CPEB1: variants seen among roughly 807,000 people sequenced by gnomAD.
CPEB1 encodes the protein cytoplasmic polyadenylation element-binding protein 1.
In CPEB1, 7 loss-of-function variants were observed where a neutral mutation model predicts 65.8. The ratio of observed to expected loss-of-function variants is 0.11; its 90% CI spans 0.06 to 0.20. The LOEUF is 0.20. Among genes scored for constraint, CPEB1 ranks in the 10% least tolerant of loss-of-function variants. The pLI is 1.00. For synonymous variants in CPEB1, 262 were observed against 260.0 expected, an observed-to-expected ratio of 1.01 and a Z score of -0.08; for missense variants, 551 against 712.2, an observed-to-expected ratio of 0.77 and a Z score of 2.58.
At chr15:82,544,748 C>G in intron 12 of CPEB1, 46 bp from the exon 13 acceptor site, 6 of 1,399,230 alleles carry the variant, frequency 4.3e-6, no homozygotes, top group Non-Finnish European at 6.0e-6. Context: ...TGTGTCAGCA[C>G]CAGACACAGG....
intron 3 of CPEB1, among the ~76,000 whole-genome samples, chr15:82,582,562 G>C (rs940632566): frequency 9.9e-5 from 15 of 152,098 alleles, no homozygotes; most frequent in African/African-American, 3.6e-4. Context: ...CAAATACAGG[G>C]ACTAACTGAT....
chr15:82,639,117 C>T (rs1452690339), intron 1 of CPEB1, among the ~76,000 whole-genome samples: 1 of 152,194 alleles, frequency 6.6e-6, no homozygotes, highest in African/African-American at 2.4e-5. Context: ...AGAACTGCTG[C>T]CACAGAGTAA....
chr15:82,640,669 C>G (rs1210630459), intron 1 of CPEB1: 9 of 152,118 alleles, frequency 5.9e-5, no homozygotes, highest in African/African-American at 2.2e-4. Flanking sequence ...CAGATAGATA[C>G]ACGCATTCGG....
At chr15:82,620,638 A>C (rs904880758) in intron 3 of CPEB1, among the ~76,000 whole-genome samples, 1 of 152,024 alleles carries the variant, frequency 6.6e-6, no homozygotes, top group Non-Finnish European at 1.5e-5. Context: ...TCTCTACAAA[A>C]ACTTAAAAAA....
At chr15:82,617,724 GTTTTTTTTTTT>G (rs35267620) in intron 3 of CPEB1, among the ~76,000 whole-genome samples, 4 of 83,818 alleles carry the variant, frequency 4.8e-5, no homozygotes, top group Admixed American at 1.3e-4. Context: ...TTCTATTAAA[GTTTTTTTTTTT>G]TTTTTTTTTT....
intron 3 of CPEB1, among the ~76,000 whole-genome samples, chr15:82,620,799 T>C (rs1304889406): frequency 6.6e-6 from 1 of 152,144 alleles, no homozygotes; most frequent in East Asian, 1.9e-4. Context: ...ATACCCCATC[T>C]CAGAAAAATA....
intron 3 of CPEB1, among the ~76,000 whole-genome samples, chr15:82,586,069 G>A (rs1396699771): frequency 6.6e-6 from 1 of 152,164 alleles, no homozygotes; most frequent in Non-Finnish European, 1.5e-5. Flanking sequence ...TTGTGAGCAA[G>A]GTGCTAGGAA....
chr15:82,559,143 T>C (rs1247422566), intron 4 of CPEB1, among the ~76,000 whole-genome samples: 1 of 152,198 alleles, frequency 6.6e-6, no homozygotes, highest in African/African-American at 2.4e-5. Context: ...GTTTGAATGC[T>C]TGTCTGGAGC....
At chr15:82,630,133 G>A (rs2046117629) in intron 1 of CPEB1, 13 of 984,808 alleles carry the variant, frequency 1.3e-5, no homozygotes, top group African/African-American at 8.7e-5. Flanking sequence ...AGGAGGTCTC[G>A]CTGTGTTGCC....
In CPEB1 at chr15:82,629,615, A is replaced by C. The variant is rs886710312; in HGVS notation, c.-97-1059T>G. On this transcript the variant is annotated intron_variant, in intron 1 of 12. Coordinates refer to ENST00000684509, the MANE Select transcript of CPEB1 (RefSeq NM_001365242.1). Reference sequence around the variant, plus strand: ...CTCCACAGCCAATGCCCAACATAAGAAGCAATGAAATATTGGTTGACAGAT... The same window carrying C: ...CTCCACAGCCAATGCCCAACATAAGCAGCAATGAAATATTGGTTGACAGAT... The C allele has an allele frequency of 4.6e-5, 45 of 985,412 alleles. No individual in the cohort carries two copies. The South Asian group carries it at 1.4e-3, about 30-fold the overall frequency. 61.0% of individuals were successfully genotyped at this position (985,412 alleles called of 1,614,324 possible).
Position 82,627,293 on chromosome 15 carries a change from G to C in CPEB1, c.171C>G (p.Ala57=). The C allele has an allele frequency of 1.2e-6, 2 of 1,613,638 alleles. No homozygotes were observed. The highest frequency in any genetic ancestry group is 2.2e-5 in the East Asian group (1 of 44,872). The change falls in exon 3 of 13, where the codon GCC becomes GCG. Residue 57 remains alanine, a synonymous_variant. Coordinates refer to ENST00000684509, the MANE Select transcript of CPEB1 (RefSeq NM_001365242.1). ...EAPALSTCSN[A]NIFRRINAIL... is the part of the protein sequence containing the mutation. ...TGGCATTTATCCTTCGAAAGATATT[G>C]GCATTACTACACGTGGAGAGAGCAG... is the stretch of plus-strand genomic sequence containing the variant.
chr15:82,620,525 T>A (rs1336040272), intron 3 of CPEB1, among the ~76,000 whole-genome samples: 1 of 152,092 alleles, frequency 6.6e-6, no homozygotes, highest in Non-Finnish European at 1.5e-5. Flanking sequence ...GAACTGGGTG[T>A]GGTGGCTCAT....
chr15:82,610,965 A>AC (rs2044085577), intron 3 of CPEB1, among the ~76,000 whole-genome samples: 1 of 140,992 alleles, frequency 7.1e-6, no homozygotes, highest in African/African-American at 2.8e-5. Context: ...TCTCAAAAAA[A>AC]AAAAAAAAAA....
intron 3 of CPEB1, among the ~76,000 whole-genome samples, chr15:82,618,869 T>C (rs2045021430): frequency 6.6e-6 from 1 of 152,212 alleles, no homozygotes; most frequent in African/African-American, 2.4e-5. Flanking sequence ...AACATATCCA[T>C]TATCCAGAAC....
intron 3 of CPEB1, among the ~76,000 whole-genome samples, chr15:82,615,283 A>G (rs1370135630): frequency 6.6e-6 from 1 of 152,250 alleles, no homozygotes; most frequent in East Asian, 1.9e-4. Flanking sequence ...ATAAACACGA[A>G]GAGCCAAGAA....
At position 82,632,669 on chromosome 15, in the gene CPEB1, C is replaced by A. The variant is rs1230203831; in HGVS notation, c.-97-4113G>T. ...TAGCTGGACTACAGACAGGCGCCAC[C>A]ATGCCCAGCTAATTTTTTTTTTTAA... On this transcript the variant is annotated intron_variant, in intron 1 of 12. Transcript: ENST00000684509. 3.9e-5 allele frequency among the ~76,000 whole-genome samples: 6 copies of A among 152,188 alleles called. No homozygotes were observed. The East Asian group carries it at 1.2e-3, about 29-fold the overall frequency.
At chr15:82,636,745 C>T (rs2151365262) in intron 1 of CPEB1, among the ~76,000 whole-genome samples, 1 of 152,308 alleles carries the variant, frequency 6.6e-6, no homozygotes, top group East Asian at 1.9e-4. Flanking sequence ...GCTGCATTTG[C>T]AGGCACTCAA....
intron 3 of CPEB1, among the ~76,000 whole-genome samples, chr15:82,589,813 T>A (rs1244679473): frequency 1.3e-5 from 2 of 152,220 alleles, no homozygotes; most frequent in Non-Finnish European, 2.9e-5. Flanking sequence ...AAGTATTTTT[T>A]AAAATGTGTC....
At chr15:82,617,298 T>C (rs747505732) in intron 3 of CPEB1, among the ~76,000 whole-genome samples, 16 of 152,268 alleles carry the variant, frequency 1.1e-4, no homozygotes, top group Admixed American at 5.2e-4. Flanking sequence ...CATTCATCTA[T>C]TGATGGACAT....
Sources: gnomAD v4.1 joint callset for allele counts (sites outside exome capture counted in the v4.1 genomes callset) on GRCh38, gnomAD v4.1.1 for gene constraint, MANE v1.5 for transcripts, NCBI Gene and HGNC (gene_info 2026-07-23, HGNC 2026-07-21) for gene names.